CALD1: variants seen among roughly 807,000 people sequenced by gnomAD.
CALD1 encodes the protein caldesmon 1, also known as caldesmon.
Under a neutral mutation model 99.9 loss-of-function variants are expected in CALD1, and 33 were observed. The observed-to-expected ratio is 0.33, with a 90% CI of 0.25 to 0.44. The LOEUF is 0.44. Ranked by LOEUF, CALD1 falls within the 20% of genes least tolerant of loss-of-function variation. The pLI, the probability that CALD1 is intolerant of heterozygous loss-of-function variation, is 1.00. For synonymous variants in CALD1, 310 were observed against 325.0 expected (o/e 0.95, Z 0.50); for missense variants, 861 against 962.1 (o/e 0.89, Z 1.39).
chr7:134,861,217 C>T (rs1219249051), intron 2 of CALD1, among the ~76,000 whole-genome samples: 1 of 151,194 alleles, frequency 6.6e-6, no homozygotes, highest in Non-Finnish European at 1.5e-5. Flanking sequence ...TATAGAGAAA[C>T]AAAGCTCATA....
chr7:134,937,649 AAG>A (rs1278125779), intron 6 of CALD1, among the ~76,000 whole-genome samples: 10 of 150,826 alleles, frequency 6.6e-5, no homozygotes, highest in Non-Finnish European at 1.0e-4. Flanking sequence ...AAAAAAAAAA[AAG>A]AAGAAGAAAG....
chr7:134,919,998 G>A (rs1183015482), intron 3 of CALD1, among the ~76,000 whole-genome samples: 1 of 151,932 alleles, frequency 6.6e-6, no homozygotes, highest in East Asian at 1.9e-4. Flanking sequence ...ATTCAGAGTT[G>A]GATTTTATGT....
At chr7:134,883,452 G>C (rs1350360402) in intron 3 of CALD1, among the ~76,000 whole-genome samples, 1 of 151,846 alleles carries the variant, frequency 6.6e-6, no homozygotes, top group African/African-American at 2.4e-5. Context: ...TTTTAAATGA[G>C]AAAATTGGAT....
chr7:134,715,702 A>G, the CALD1 span, among the ~76,000 whole-genome samples: 3 of 152,302 alleles, frequency 2.0e-5, no homozygotes, highest in Non-Finnish European at 2.9e-5. Flanking sequence ...CACAAGTGGG[A>G]ATGGGATAAT....
At chr7:134,722,310 C>G in the CALD1 span, among the ~76,000 whole-genome samples, 1 of 152,102 alleles carries the variant, frequency 6.6e-6, no homozygotes, top group Non-Finnish European at 1.5e-5. Context: ...TCTCTTTTCT[C>G]TTTTCTTCTT....
Position 134,809,405 on chromosome 7 carries a change from G to A in CALD1, c.-130+29656G>A, listed in dbSNP as rs377710617. 2.0e-5 allele frequency among the ~76,000 whole-genome samples: 3 copies of A among 152,272 alleles called. No individual in the cohort carries two copies. In the South Asian group the frequency reaches 6.2e-4, roughly 32 times the overall value. On this transcript the variant is annotated intron_variant, in intron 1 of 14. Coordinates refer to ENST00000361675, the MANE Select transcript of CALD1 (RefSeq NM_033138.4). ...TTAGATAAAATATTGAATCCTTTGC[G>A]CTTCCATTTCCTCATCCATTAAAAG...
intron 1 of CALD1, among the ~76,000 whole-genome samples, chr7:134,831,408 C>A (rs1799216019): frequency 6.6e-6 from 1 of 152,024 alleles, no homozygotes; most frequent in African/African-American, 2.4e-5. Context: ...CAACCTCCGC[C>A]TCCTAGGTTC....
chr7:134,848,920 A>C (rs182717312), intron 2 of CALD1, among the ~76,000 whole-genome samples: 1 of 152,258 alleles, frequency 6.6e-6, no homozygotes, highest in Non-Finnish European at 1.5e-5. Flanking sequence ...GTCAGTCGTT[A>C]ATTCATTCAT....
chr7:134,718,555 A>G, the CALD1 span, among the ~76,000 whole-genome samples: 15 of 152,168 alleles, frequency 9.9e-5, no homozygotes, highest in Non-Finnish European at 7.3e-5. Context: ...GTTTCATATA[A>G]TGATGTATCT....
In CALD1 at chr7:134,947,604, C is replaced by G. The variant is rs779036893; in HGVS notation, c.1629C>G (p.Arg543=). The G allele has an allele frequency of 4.5e-6, 7 of 1,561,924 alleles. No homozygotes were observed. Among genetic ancestry groups the G allele is most frequent in the Non-Finnish European group, 6.1e-6 (7 of 1,152,838 alleles). The change falls in exon 8 of 15, where the codon CGC becomes CGG. Residue 543 remains arginine, a synonymous_variant. Coordinates refer to ENST00000361675, the MANE Select transcript of CALD1 (RefSeq NM_033138.4). ...GGCTGGAGGAGCTTCGTCGTCGTCGCGGGGAGACCGAGAGCGAAGAGTTCG... is the reference window on the plus strand; with the variant it reads ...GGCTGGAGGAGCTTCGTCGTCGTCGGGGGGAGACCGAGAGCGAAGAGTTCG... ...GKRLEELRRR[R]GETESEEFEK...
chr7:134,787,117 A>G (rs909830788), intron 1 of CALD1, among the ~76,000 whole-genome samples: 2 of 152,228 alleles, frequency 1.3e-5, no homozygotes, highest in African/African-American at 2.4e-5. Flanking sequence ...TTAGTTTTGA[A>G]TAATTTCTTT....
intron 4 of CALD1, among the ~76,000 whole-genome samples, chr7:134,929,669 T>TATATATATATAC (rs1243428900): frequency 8.1e-6 from 1 of 123,180 alleles, no homozygotes; most frequent in Non-Finnish European, 1.7e-5. Context: ...TATATATATA[T>TATATATATATAC]ACACCACATT....
intron 3 of CALD1, chr7:134,891,698 G>GT (rs1251304153): frequency 2.1e-6 from 3 of 1,455,542 alleles, no homozygotes; most frequent in Non-Finnish European, 2.8e-6. Context: ...CGTCTCTTTG[G>GT]TTTTTTCCTT....
intron 3 of CALD1, among the ~76,000 whole-genome samples, chr7:134,897,989 A>G (rs895010415): frequency 7.9e-5 from 12 of 152,096 alleles, no homozygotes; most frequent in African/African-American, 2.9e-4. Flanking sequence ...AGCCTCCACT[A>G]TCTCGGCTCA....
At chr7:134,795,560 A>G (rs1371407112) in intron 1 of CALD1, among the ~76,000 whole-genome samples, 3 of 152,134 alleles carry the variant, frequency 2.0e-5, no homozygotes, top group Non-Finnish European at 4.4e-5. Context: ...GAACGGAAAT[A>G]CAGGTTTTGT....
chr7:134,730,762 AAAT>A, the CALD1 span, among the ~76,000 whole-genome samples: 1 of 152,206 alleles, frequency 6.6e-6, no homozygotes, highest in African/African-American at 2.4e-5. Context: ...TTTAGGATTA[AAAT>A]AGACTTTTGG....
intron 9 of CALD1, among the ~76,000 whole-genome samples, chr7:134,951,854 G>A (rs563941511): frequency 6.6e-6 from 1 of 152,356 alleles, no homozygotes; most frequent in South Asian, 2.1e-4. Flanking sequence ...ATCTAGCACA[G>A]TGCCTTACAT....
At chr7:134,758,301 G>C (rs1053271329) in intron 1 of CALD1, among the ~76,000 whole-genome samples, 1 of 152,182 alleles carries the variant, frequency 6.6e-6, no homozygotes, top group Non-Finnish European at 1.5e-5. Flanking sequence ...TGGGATGACT[G>C]CCTGTTGACT....
At chr7:134,717,818 C>A in the CALD1 span, among the ~76,000 whole-genome samples, 1 of 152,052 alleles carries the variant, frequency 6.6e-6, no homozygotes, top group African/African-American at 2.4e-5. Flanking sequence ...TTGGAGATTT[C>A]AAGAATTAAA....
Sources: allele counts gnomAD v4.1 joint callset (sites outside exome capture counted in the v4.1 genomes callset), GRCh38; gene constraint gnomAD v4.1.1; transcripts MANE v1.5; gene names NCBI Gene and HGNC (gene_info 2026-07-23, HGNC 2026-07-21).